The following LOC400499 variants were observed in gnomAD, a reference collection of about 807,000 sequenced individuals.
At chr16:11,448,027 TG>T in the LOC400499 span, 1 of 1,535,886 alleles carries the variant, frequency 6.5e-7, no homozygotes, top group African/African-American at 1.4e-5. Context: ...AGGCTGGCCC[TG>T]GGCACCAATC....
chr16:11,515,178 G>T, the LOC400499 span, among the ~76,000 whole-genome samples: 11 of 152,122 alleles, frequency 7.2e-5, no homozygotes, highest in Non-Finnish European at 1.3e-4. Flanking sequence ...AGGCATAGTG[G>T]TGTGTGCCTG....
the LOC400499 span, among the ~76,000 whole-genome samples, chr16:11,390,623 G>C: frequency 1.2e-4 from 18 of 152,360 alleles, no homozygotes; most frequent in African/African-American, 4.1e-4. Flanking sequence ...GGAGATTGCA[G>C]GGGAGTTGTC....
chr16:11,439,494 AG>A, the LOC400499 span: 1 of 399,054 alleles, frequency 2.5e-6, no homozygotes, highest in Non-Finnish European at 4.4e-6. Flanking sequence ...CACACCTGGA[AG>A]TTTGGAGGAA....
chr16:11,384,108 C>T, the LOC400499 span: 222 of 1,225,776 alleles, frequency 1.8e-4, no homozygotes, highest in African/African-American at 3.0e-3. Flanking sequence ...CCTGGGCCTA[C>T]GAAGTCCTCT....
the LOC400499 span, among the ~76,000 whole-genome samples, chr16:11,501,506 G>A: frequency 6.6e-6 from 1 of 152,032 alleles, no homozygotes; most frequent in Admixed American, 6.6e-5. Flanking sequence ...ACAAGTGTTC[G>A]CTACCAAGTC....
At chr16:11,488,764 C>G in the LOC400499 span, 11 of 398,876 alleles carry the variant, frequency 2.8e-5, no homozygotes, top group Admixed American at 4.4e-4. Context: ...CTGGGTGGAA[C>G]TCCTGGCTGA....
the LOC400499 span, chr16:11,399,256 C>T: frequency 5.1e-6 from 5 of 985,170 alleles, no homozygotes; most frequent in African/African-American, 1.7e-5. Context: ...GGCCGTTCCC[C>T]TTGCTTTTCT....
chr16:11,517,766 G>A, the LOC400499 span, among the ~76,000 whole-genome samples: 3 of 152,200 alleles, frequency 2.0e-5, no homozygotes, highest in Non-Finnish European at 4.4e-5. Flanking sequence ...TCTGGTATCT[G>A]CAGAGTGAAG....
the LOC400499 span, chr16:11,523,715 C>G: frequency 2.9e-6 from 1 of 347,098 alleles, no homozygotes; most frequent in Non-Finnish European, 5.2e-6. Context: ...CCTGATAGCT[C>G]AAGCTGCCAA....
the LOC400499 span, among the ~76,000 whole-genome samples, chr16:11,488,360 T>A: frequency 6.6e-6 from 1 of 152,202 alleles, no homozygotes; most frequent in South Asian, 2.1e-4. Flanking sequence ...GCAGGTGCTA[T>A]GAAAATATTC....
chr16:11,518,200 C>A, the LOC400499 span, among the ~76,000 whole-genome samples: 2 of 152,194 alleles, frequency 1.3e-5, no homozygotes, highest in African/African-American at 4.8e-5. Context: ...ATCTATCTGT[C>A]CCTCAGCAGC....
the LOC400499 span, among the ~76,000 whole-genome samples, chr16:11,376,912 T>G: frequency 6.6e-6 from 1 of 151,352 alleles, no homozygotes; most frequent in African/African-American, 2.4e-5. Flanking sequence ...TATTCCTATT[T>G]TATTCTTTTT....
At chr16:11,448,866 C>T in the LOC400499 span, 10 of 1,344,144 alleles carry the variant, frequency 7.4e-6, no homozygotes, top group Admixed American at 6.7e-5. Context: ...GGTAGGAAAC[C>T]GAGGTGAGGG....
chr16:11,387,390 G>T, the LOC400499 span: 2 of 996,768 alleles, frequency 2.0e-6, no homozygotes, highest in Non-Finnish European at 2.6e-6. Context: ...GAAGAGCTCT[G>T]CAGTGGAGAG....
At chr16:11,477,423 A>G in the LOC400499 span, among the ~76,000 whole-genome samples, 2 of 152,200 alleles carry the variant, frequency 1.3e-5, no homozygotes, top group African/African-American at 2.4e-5. Flanking sequence ...CCAGGCTGTC[A>G]GTGTCCTCGC....
chr16:11,402,718 G>A, the LOC400499 span, among the ~76,000 whole-genome samples: 3 of 152,118 alleles, frequency 2.0e-5, no homozygotes, highest in African/African-American at 7.2e-5. Context: ...CCCTACAGCT[G>A]ACCTTGAACA....
At chr16:11,381,186 C>CTTGT in the LOC400499 span, 1 of 152,188 alleles carries the variant, frequency 6.6e-6, no homozygotes, top group African/African-American at 2.4e-5. Flanking sequence ...GTGGCACTAC[C>CTTGT]TTGTTTCTCT....
chr16:11,461,956 G>A, the LOC400499 span, among the ~76,000 whole-genome samples: 2 of 152,196 alleles, frequency 1.3e-5, no homozygotes, highest in Admixed American at 1.3e-4. Flanking sequence ...GTTGGAGGTT[G>A]GGGGAGGTTC....
chr16:11,432,994 G>T, the LOC400499 span, among the ~76,000 whole-genome samples: 1 of 152,090 alleles, frequency 6.6e-6, no homozygotes, highest in African/African-American at 2.4e-5. Flanking sequence ...TTAAAATCTA[G>T]AACAAGGGTT....
Sources: allele counts gnomAD v4.1 joint callset (sites outside exome capture counted in the v4.1 genomes callset), GRCh38; gene constraint gnomAD v4.1.1; transcripts MANE v1.5.